Variants in ESR1 observed in about 807,000 individuals in gnomAD.
ESR1 encodes the protein estrogen receptor 1.
Under a neutral mutation model 52.7 loss-of-function variants are expected in ESR1, and 12 were observed. The ratio of observed to expected loss-of-function variants is 0.23; its 90% CI spans 0.15 to 0.37. The LOEUF (loss-of-function observed/expected upper bound fraction) is 0.37, where lower values mean the gene tolerates loss of function less well. ESR1 is among the 10% of genes least tolerant of loss of function. The pLI is 1.00. For missense variants in ESR1, 584 were observed against 779.7 expected (o/e 0.75, Z 2.99); for synonymous variants, 305 against 316.8 (o/e 0.96, Z 0.39).
intron 2 of ESR1, among the ~76,000 whole-genome samples, chr6:151,848,911 C>T (rs1320585791): frequency 6.6e-6 from 1 of 152,204 alleles, no homozygotes; most frequent in South Asian, 2.1e-4. Context: ...TATTCCTTCT[C>T]CCCCATTCAC....
At chr6:152,079,034 A>G (rs531899059) in intron 6 of ESR1, among the ~76,000 whole-genome samples, 21 of 152,336 alleles carry the variant, frequency 1.4e-4, no homozygotes, top group Admixed American at 1.2e-3. Context: ...GCCTCTCTAG[A>G]TTCCACCTCT....
At chr6:151,948,940 A>G (rs979305703) in intron 4 of ESR1, among the ~76,000 whole-genome samples, 1 of 152,220 alleles carries the variant, frequency 6.6e-6, no homozygotes, top group African/African-American at 2.4e-5. Context: ...AAGTGCTTGA[A>G]TAAATGAATA....
intron 3 of ESR1, among the ~76,000 whole-genome samples, chr6:151,924,186 G>A (rs1403657901): frequency 1.3e-5 from 2 of 152,048 alleles, no homozygotes; most frequent in Non-Finnish European, 2.9e-5. Context: ...GGGATTACAG[G>A]CGCCTGCCAC....
At chr6:151,737,358 A>T (rs374138948) in intron 2 of ESR1, among the ~76,000 whole-genome samples, 4 of 152,152 alleles carry the variant, frequency 2.6e-5, no homozygotes, top group Non-Finnish European at 5.9e-5. Flanking sequence ...CTCAAGAAAC[A>T]TTGTTTCAAG....
At chr6:151,808,676 C>T (rs1274039151) in intron 1 of ESR1, among the ~76,000 whole-genome samples, 1 of 152,196 alleles carries the variant, frequency 6.6e-6, no homozygotes, top group Non-Finnish European at 1.5e-5. Flanking sequence ...CCAGACAAAG[C>T]AGCAGTTATT....
At chr6:152,036,570 AAGTC>A (rs1438295908) in intron 5 of ESR1, among the ~76,000 whole-genome samples, 12 of 152,210 alleles carry the variant, frequency 7.9e-5, no homozygotes, top group African/African-American at 2.9e-4. Flanking sequence ...ACCATCAACT[AAGTC>A]AGGAACCTGC....
chr6:151,983,473 G>A (rs2128683952), intron 4 of ESR1: 1 of 152,204 alleles, frequency 6.6e-6, no homozygotes, highest in East Asian at 1.9e-4. Context: ...GTGTGATCCT[G>A]GGTGTGCCAA....
chr6:152,077,228 G>A (rs1453825529), intron 6 of ESR1, among the ~76,000 whole-genome samples: 1 of 151,112 alleles, frequency 6.6e-6, no homozygotes, highest in Non-Finnish European at 1.5e-5. Flanking sequence ...TTCAGAGGTT[G>A]CAAGCCCCAA....
chr6:151,978,398 A>G (rs1214512947), intron 4 of ESR1, among the ~76,000 whole-genome samples: 2 of 152,200 alleles, frequency 1.3e-5, no homozygotes. Flanking sequence ...AAGGTGTAAT[A>G]AATTCTAACT....
intron 2 of ESR1, among the ~76,000 whole-genome samples, chr6:151,860,837 A>G (rs1420483062): frequency 6.6e-6 from 1 of 152,230 alleles, no homozygotes; most frequent in East Asian, 1.9e-4. Flanking sequence ...TATAAAATCA[A>G]AAGAAGAGAT....
intron 1 of ESR1, among the ~76,000 whole-genome samples, chr6:151,827,494 C>T (rs1781709581): frequency 6.6e-6 from 1 of 152,178 alleles, no homozygotes; most frequent in East Asian, 1.9e-4. Context: ...GAGGAATGAC[C>T]TGATCTGACA....
chr6:151,988,258 G>T (rs1420165067), intron 4 of ESR1, among the ~76,000 whole-genome samples: 3 of 152,084 alleles, frequency 2.0e-5, no homozygotes, highest in Admixed American at 6.6e-5. Context: ...GGGGGTGATG[G>T]GAGACAGTGA....
chr6:151,848,658 G>A (rs1785659934), intron 2 of ESR1, among the ~76,000 whole-genome samples: 2 of 152,052 alleles, frequency 1.3e-5, no homozygotes, highest in Non-Finnish European at 2.9e-5. Context: ...AGAAGTGGAG[G>A]CTGCCCGCCC....
chr6:151,760,034 C>G (rs912851862), intron 2 of ESR1, among the ~76,000 whole-genome samples: 3 of 152,230 alleles, frequency 2.0e-5, no homozygotes, highest in African/African-American at 7.2e-5. Flanking sequence ...AACTGAAACA[C>G]ACATGCATAT....
chr6:151,766,633 G>T (rs888422573), intron 2 of ESR1, among the ~76,000 whole-genome samples: 22 of 152,026 alleles, frequency 1.4e-4, no homozygotes, highest in Admixed American at 1.4e-3. Context: ...ACTATGGCAA[G>T]TATAATGTCT....
intron 2 of ESR1, among the ~76,000 whole-genome samples, chr6:151,756,081 ATT>A (rs1245376236): frequency 6.6e-6 from 1 of 151,830 alleles, no homozygotes; most frequent in Admixed American, 6.6e-5. Flanking sequence ...TCTGTTTGCT[ATT>A]TCCTCAAGTG....
chr6:151,947,760 A>G (rs1202156492), intron 4 of ESR1, among the ~76,000 whole-genome samples: 1 of 152,196 alleles, frequency 6.6e-6, no homozygotes, highest in Non-Finnish European at 1.5e-5. Context: ...CTTCTGGTAG[A>G]CCTGGATAAA....
chr6:151,897,416 C>T (rs1795710461), intron 3 of ESR1, among the ~76,000 whole-genome samples: 1 of 152,084 alleles, frequency 6.6e-6, no homozygotes, highest in African/African-American at 2.4e-5. Flanking sequence ...TGGACAAGGC[C>T]TTTTATCATT....
intron 1 of ESR1, among the ~76,000 whole-genome samples, chr6:151,671,251 T>C (rs573111066): frequency 5.3e-5 from 8 of 152,336 alleles, no homozygotes; most frequent in African/African-American, 1.9e-4. Context: ...TGTAGCATTA[T>C]GCACAATAGT....
Sources: gnomAD v4.1 joint callset for allele counts (sites outside exome capture counted in the v4.1 genomes callset) on GRCh38, gnomAD v4.1.1 for gene constraint, MANE v1.5 for transcripts, NCBI Gene and HGNC (gene_info 2026-07-23, HGNC 2026-07-21) for gene names.